Variants in ZNF92 observed in about 807,000 individuals in gnomAD.
ZNF92 encodes the protein epididymis luminal protein 203.
A neutral mutation model predicts 12.4 loss-of-function variants in ZNF92; 11 were observed. The observed-to-expected ratio is 0.89, with a 90% CI of 0.56 to 1.47. The LOEUF is 1.47. Ranked by LOEUF, ZNF92 falls within the 40% of genes most tolerant of loss-of-function variation. The pLI, the probability that ZNF92 is intolerant of heterozygous loss-of-function variation, is 0.00. For synonymous variants in ZNF92, 206 were observed against 228.6 expected (o/e 0.90, Z 0.89); for missense variants, 622 against 681.0 (o/e 0.91, Z 0.96).
intron 3 of ZNF92, among the ~76,000 whole-genome samples, chr7:65,391,526 G>C (rs370791322): frequency 6.6e-6 from 1 of 151,996 alleles, no homozygotes; most frequent in South Asian, 2.1e-4. Context: ...AGGCAAAAAG[G>C]AATAGTATTT....
chr7:65,394,366 A>C (rs1793796708), intron 3 of ZNF92, among the ~76,000 whole-genome samples: 1 of 152,050 alleles, frequency 6.6e-6, no homozygotes, highest in Non-Finnish European at 1.5e-5. Context: ...CATATATAGA[A>C]GGGTTCATTT....
intron 1 of ZNF92, among the ~76,000 whole-genome samples, chr7:65,378,084 G>A (rs989421560): frequency 1.3e-5 from 2 of 152,004 alleles, no homozygotes; most frequent in Non-Finnish European, 2.9e-5. Flanking sequence ...TGGCATGGTG[G>A]CTCATGCCTG....
chr7:65,374,028 G>A, intron 1 of ZNF92, 28 bp downstream of exon 1: 2 of 1,614,068 alleles, frequency 1.2e-6, no homozygotes, highest in Non-Finnish European at 1.7e-6. Context: ...CACATCCCGA[G>A]AGAGGGGGAG....
intron 1 of ZNF92, among the ~76,000 whole-genome samples, chr7:65,383,647 A>G (rs1793484666): frequency 6.6e-6 from 1 of 152,040 alleles, no homozygotes; most frequent in Admixed American, 6.6e-5. Flanking sequence ...CAAGGCCACA[A>G]AGTATCCAGA....
chr7:65,374,031 A>G, intron 1 of ZNF92, 31 bp downstream of exon 1: 1 of 1,613,902 alleles, frequency 6.2e-7, no homozygotes, highest in Non-Finnish European at 8.5e-7. Context: ...ATCCCGAGAG[A>G]GGGGGAGGGT....
chr7:65,378,170 C>T (rs899469274), intron 1 of ZNF92, among the ~76,000 whole-genome samples: 8 of 150,892 alleles, frequency 5.3e-5, no homozygotes, highest in East Asian at 2.0e-4. Context: ...TGGTGGCGGG[C>T]GACTGTAATC....
At position 65,388,897 on chromosome 7, in the gene ZNF92, C is replaced by A. The variant is rs1454179824; in HGVS notation, c.222C>A (p.Thr74=). ...NLKRHEMVDK[T]PVMCSHFAQD... is the part of the protein sequence containing the mutation. ...AGAGACATGAGATGGTAGACAAAAC[C>A]CCAGGTAGGTGACAGTTAATACAAC... The change falls in exon 3 of 4, where the codon ACC becomes ACA. Residue 74 remains threonine, a synonymous_variant. Coordinates refer to ENST00000328747, the MANE Select transcript of ZNF92 (RefSeq NM_152626.4). 1 of 1,576,250 alleles carries A rather than the reference C, an allele frequency of 6.3e-7. No individual in the cohort carries two copies.
At chr7:65,392,213 G>C (rs1317011513) in intron 3 of ZNF92, among the ~76,000 whole-genome samples, 3 of 151,844 alleles carry the variant, frequency 2.0e-5, no homozygotes, top group Admixed American at 1.3e-4. Flanking sequence ...TTCTTTCTTA[G>C]CTGATTTTCA....
At chr7:65,392,516 C>T (rs960772979) in intron 3 of ZNF92, among the ~76,000 whole-genome samples, 2 of 150,618 alleles carry the variant, frequency 1.3e-5, no homozygotes, top group African/African-American at 4.9e-5. Flanking sequence ...GAGGCCAAGA[C>T]AGGAGCATCA....
At position 65,396,801 on chromosome 7, in the gene ZNF92, A is replaced by G. The variant is rs1371648457; in HGVS notation, c.227-1540A>G. Among the ~76,000 whole-genome samples, 5 of 152,130 alleles carry G rather than the reference A, an allele frequency of 3.3e-5. No individual in the cohort carries two copies. In the East Asian group the frequency reaches 5.8e-4, roughly 18 times the overall value. On this transcript the variant is annotated intron_variant, in intron 3 of 3. Transcript: ENST00000328747. ...AGCTGTAGGATTACAGGCATGAGCC[A>G]TGGTGCCTGCTCACCATGTAGCATT...
intron 1 of ZNF92, among the ~76,000 whole-genome samples, chr7:65,375,247 C>G (rs1323489146): frequency 6.6e-6 from 1 of 152,064 alleles, no homozygotes; most frequent in Non-Finnish European, 1.5e-5. Context: ...AGCCACCCTT[C>G]AGTTCTTTTT....
chr7:65,394,398 TTCATC>T (rs1793797643), intron 3 of ZNF92, among the ~76,000 whole-genome samples: 1 of 152,086 alleles, frequency 6.6e-6, no homozygotes, highest in Non-Finnish European at 1.5e-5. Context: ...ATTCTGTTCT[TTCATC>T]TCTTTATCTG....
At position 65,398,796 on chromosome 7, in the gene ZNF92, C is replaced by A. The variant is rs201336287; in HGVS notation, c.682C>A (p.Pro228Thr). The change falls in exon 4 of 4, where the codon CCC becomes ACC. Residue 228 changes from proline to threonine, a missense_variant. Pro to Thr is a conservative substitution (Grantham distance 38). Coordinates refer to ENST00000328747, the MANE Select transcript of ZNF92 (RefSeq NM_152626.4). ...TAAGATAATTCATACTGGAGAAAAA[C>A]CCTACAAATGTGAAGAATGTGGCAA... is the stretch of plus-strand genomic sequence containing the variant. ...KHKIIHTGEK[P>T]YKCEECGKAF... 6 of 1,612,580 alleles carry A rather than the reference C, an allele frequency of 3.7e-6. No homozygotes were observed. Among genetic ancestry groups the A allele is most frequent in the Non-Finnish European group, 5.1e-6 (6 of 1,179,704 alleles).
Position 65,388,030 on chromosome 7 carries a change from T to C in ZNF92, c.130+2T>C. ...ACTACAGAAACCTGGTCTTCCTTGG[T>C]GAGGATAACTTCAATACACAATACA... On this transcript the variant is annotated splice_donor_variant, in intron 2 of 3. Coordinates refer to ENST00000328747, the MANE Select transcript of ZNF92 (RefSeq NM_152626.4). LOFTEE classifies it high-confidence loss of function. The C allele has an allele frequency of 6.2e-7, 1 of 1,602,758 alleles. No individual in the cohort carries two copies. Among genetic ancestry groups the C allele is most frequent in the Non-Finnish European group, 8.5e-7 (1 of 1,174,718 alleles).
At chr7:65,388,079 T>C in intron 2 of ZNF92, 51 bp downstream of exon 2, 1 of 1,534,170 alleles carries the variant, frequency 6.5e-7, no homozygotes, top group Non-Finnish European at 8.7e-7. Flanking sequence ...GTTTCATTTC[T>C]CCTCTTTGTA....
rs1467765574 is a variant in ZNF92, at chr7:65,398,989, A to G, written c.875A>G (p.Lys292Arg). 1 of 1,613,584 alleles carries G rather than the reference A, an allele frequency of 6.2e-7. No homozygotes were observed. The highest frequency in any genetic ancestry group is 1.3e-5 in the African/African-American group (1 of 74,996). Residue 292 changes from lysine to arginine, a missense_variant, in exon 4 of 4, where the codon AAG (lysine) becomes AGG (arginine). Coordinates refer to ENST00000328747, the MANE Select transcript of ZNF92 (RefSeq NM_152626.4). ...EKPYKCEECGKAFNQFSILNK... is the reference protein window; with the variant it reads ...EKPYKCEECGRAFNQFSILNK... ...CCCTACAAATGTGAAGAATGTGGCAAGGCCTTTAACCAGTTCTCGATTCTT... is the reference window on the plus strand; with the variant it reads ...CCCTACAAATGTGAAGAATGTGGCAGGGCCTTTAACCAGTTCTCGATTCTT...
At chr7:65,382,164 C>T (rs1040726702) in intron 1 of ZNF92, among the ~76,000 whole-genome samples, 1 of 151,980 alleles carries the variant, frequency 6.6e-6, no homozygotes, top group African/African-American at 2.4e-5. Context: ...CTATGTATAA[C>T]ATGGTACTGT....
intron 3 of ZNF92, among the ~76,000 whole-genome samples, chr7:65,392,839 A>C (rs538326779): frequency 6.6e-6 from 1 of 152,068 alleles, no homozygotes; most frequent in South Asian, 2.1e-4. Context: ...GCCCGGCCAG[A>C]GCCCAAATGT....
chr7:65,400,084 C>A lies in ZNF92; in HGVS notation c.*209C>A. ...CCTCACACCTTATTGCACAGGAAAGCATTTATACTTGAGAAAAATTGTATA... is the reference window on the plus strand; with the variant it reads ...CCTCACACCTTATTGCACAGGAAAGAATTTATACTTGAGAAAAATTGTATA... On this transcript the variant is annotated 3_prime_UTR_variant, in exon 4 of 4. Coordinates refer to ENST00000328747, the MANE Select transcript of ZNF92 (RefSeq NM_152626.4). 2.3e-6 allele frequency: 1 copy of A among 438,378 alleles called. No homozygotes were observed. The highest frequency in any genetic ancestry group is 4.0e-6 in the Non-Finnish European group (1 of 252,824). 27.2% of individuals were successfully genotyped at this position (438,378 alleles called of 1,614,324 possible). A position where few individuals can be genotyped will look rare whatever the true frequency, so the allele number is the denominator to read the frequency against.
Sources: allele counts gnomAD v4.1 joint callset (sites outside exome capture counted in the v4.1 genomes callset), GRCh38; gene constraint gnomAD v4.1.1; transcripts MANE v1.5; gene names NCBI Gene and HGNC (gene_info 2026-07-23, HGNC 2026-07-21).